GABPB2: variants seen among roughly 807,000 people sequenced by gnomAD.
The protein encoded by GABPB2 is GA binding protein transcription factor subunit beta 2.
In GABPB2, 23 loss-of-function variants were observed where a neutral mutation model predicts 39.1. That is an observed-to-expected ratio of 0.59 (90% CI 0.42 to 0.83). GABPB2 has a LOEUF of 0.83. Ranked by LOEUF, GABPB2 falls within the 40% of genes least tolerant of loss-of-function variation. GABPB2 has a pLI of 0.00. For missense variants in GABPB2, 467 were observed against 541.1 expected, an observed-to-expected ratio of 0.86 and a Z score of 1.36; for synonymous variants, 184 against 199.3, an observed-to-expected ratio of 0.92 and a Z score of 0.65.
chr1:151,099,527 T>C (rs587736185), intron 5 of GABPB2, among the ~76,000 whole-genome samples: 1 of 152,346 alleles, frequency 6.6e-6, no homozygotes, highest in East Asian at 1.9e-4. Context: ...ATAAATATTT[T>C]TTTTACAATG....
intron 7 of GABPB2, among the ~76,000 whole-genome samples, chr1:151,109,010 G>A (rs587761800): frequency 1.3e-4 from 19 of 151,830 alleles, no homozygotes; most frequent in African/African-American, 4.4e-4. Flanking sequence ...AACATAGCAA[G>A]ACCCCCTCAT....
At chr1:151,112,910 A>G (rs1680571435) in intron 7 of GABPB2, among the ~76,000 whole-genome samples, 1 of 150,204 alleles carries the variant, frequency 6.7e-6, no homozygotes. Flanking sequence ...AGCTGGGACT[A>G]CAGGTGTGCA....
At chr1:151,110,170 T>C (rs1283932339) in intron 7 of GABPB2, among the ~76,000 whole-genome samples, 2 of 151,744 alleles carry the variant, frequency 1.3e-5, no homozygotes, top group African/African-American at 2.4e-5. Context: ...TCTTTTTTTA[T>C]TTTTTGTACA....
Position 151,097,917 on chromosome 1 carries a change from T to C in GABPB2, c.537T>C (p.Ser179=). 13 of 1,614,018 alleles carry C rather than the reference T, an allele frequency of 8.1e-6. No individual in the cohort carries two copies. Among genetic ancestry groups the C allele is most frequent in the Non-Finnish European group, 1.1e-5 (13 of 1,179,914 alleles). The change falls in exon 5 of 9, where the codon AGT becomes AGC. Residue 179 remains serine (S), a synonymous_variant. Transcript: ENST00000368918. ...ERANPVTDPV[S]MAAPFIFTSG... ...CCAACCCTGTGACTGACCCTGTGAG[T>C]ATGGCTGCTCCATTCATCTTCACGT...
chr1:151,098,870 A>G (rs1679306251), intron 5 of GABPB2, among the ~76,000 whole-genome samples: 1 of 152,058 alleles, frequency 6.6e-6, no homozygotes, highest in African/African-American at 2.4e-5. Flanking sequence ...GATCACCTGA[A>G]GTCAGAAGTT....
chr1:151,103,766 A>AT (rs1251292409), intron 6 of GABPB2, 91 bp downstream of exon 6: 2 of 847,280 alleles, frequency 2.4e-6, no homozygotes, highest in African/African-American at 3.4e-5. Flanking sequence ...ATATTATTAA[A>AT]GAATTGCATT....
chr1:151,108,181 T>A (rs750917493), intron 7 of GABPB2, among the ~76,000 whole-genome samples: 14 of 152,050 alleles, frequency 9.2e-5, no homozygotes, highest in Non-Finnish European at 2.1e-4. Flanking sequence ...TGTTTGCTTG[T>A]TTGTTTGAGA....
intron 5 of GABPB2, among the ~76,000 whole-genome samples, chr1:151,100,567 C>CTTACAATTGGGATT (rs1485056566): frequency 6.8e-6 from 1 of 146,334 alleles, no homozygotes; most frequent in Non-Finnish European, 1.5e-5. Flanking sequence ...AAGTGTGAGC[C>CTTACAATTGGGATT]ACTGTGCCTG....
At chr1:151,111,197 T>C (rs1166087474) in intron 7 of GABPB2, among the ~76,000 whole-genome samples, 2 of 151,914 alleles carry the variant, frequency 1.3e-5, no homozygotes, top group East Asian at 3.9e-4. Flanking sequence ...GCAGTCTTGA[T>C]ATTCAGGACC....
intron 1 of GABPB2, among the ~76,000 whole-genome samples, chr1:151,076,602 G>A (rs1026559089): frequency 2.7e-5 from 4 of 150,892 alleles, no homozygotes; most frequent in Admixed American, 2.0e-4. Flanking sequence ...GCTAATTTTT[G>A]TATTTTTAGT....
At chr1:151,089,246 CAAAAAGAAAGAAAAGGAAACCCATG>C (rs1678466316) in intron 2 of GABPB2, among the ~76,000 whole-genome samples, 1 of 151,812 alleles carries the variant, frequency 6.6e-6, no homozygotes, top group African/African-American at 2.4e-5. Context: ...TAGCATTTCA[CAAAAAGAAAGAAAAGGAAACCCATG>C]AAATTAGCAT....
At chr1:151,084,505 C>T (rs1282551822) in intron 1 of GABPB2, among the ~76,000 whole-genome samples, 54 of 147,214 alleles carry the variant, frequency 3.7e-4, no homozygotes, top group Non-Finnish European at 6.7e-4. Flanking sequence ...GGATTACAGT[C>T]ATGAGCCACC....
At chr1:151,098,677 T>C (rs587637896) in intron 5 of GABPB2, among the ~76,000 whole-genome samples, 59 of 152,206 alleles carry the variant, frequency 3.9e-4, no homozygotes, top group African/African-American at 9.9e-4. Flanking sequence ...AGTACTGATA[T>C]AAAAGAGGTA....
chr1:151,084,200 C>G (rs1177250566), intron 1 of GABPB2, among the ~76,000 whole-genome samples: 2 of 151,726 alleles, frequency 1.3e-5, no homozygotes, highest in African/African-American at 2.4e-5. Context: ...GCGTGAGCCA[C>G]TGTGCCCAGC....
chr1:151,102,830 T>G (rs1255465409), intron 5 of GABPB2, among the ~76,000 whole-genome samples: 1 of 152,132 alleles, frequency 6.6e-6, no homozygotes, highest in Non-Finnish European at 1.5e-5. Flanking sequence ...GTAGTATGAT[T>G]GGGTAAAGCC....
intron 1 of GABPB2, among the ~76,000 whole-genome samples, chr1:151,074,913 G>A (rs910977446): frequency 6.6e-6 from 1 of 152,144 alleles, no homozygotes; most frequent in Non-Finnish European, 1.5e-5. Context: ...GGCCGAGGTG[G>A]GTGGATCACT....
chr1:151,101,492 T>C (rs1381806496), intron 5 of GABPB2, among the ~76,000 whole-genome samples: 1 of 151,502 alleles, frequency 6.6e-6, no homozygotes, highest in African/African-American at 2.4e-5. Context: ...GAGAATGGCG[T>C]GAACCTGGGA....
chr1:151,077,920 C>G (rs922119917), intron 1 of GABPB2, among the ~76,000 whole-genome samples: 1 of 151,742 alleles, frequency 6.6e-6, no homozygotes, highest in Non-Finnish European at 1.5e-5. Flanking sequence ...CCATTGCACT[C>G]CAGCCTGGGC....
In GABPB2 at chr1:151,093,365, T is replaced by G. The variant is rs758048163; in HGVS notation, c.450T>G (p.Ala150=). 6.2e-7 allele frequency: 1 copy of G among 1,601,426 alleles called. No individual in the cohort carries two copies. Among genetic ancestry groups the G allele is most frequent in the South Asian group, 1.1e-5 (1 of 88,928 alleles). The part of the protein sequence containing the change: ...AFDIALEKNN[A]EILVILQEAM... ...ACATAGCTCTGGAGAAAAACAATGCTGAGATTTTGGTCATCCTCCAGGTGT... is the reference window on the plus strand; with the variant it reads ...ACATAGCTCTGGAGAAAAACAATGCGGAGATTTTGGTCATCCTCCAGGTGT... Residue 150 remains alanine (A), a synonymous_variant, in exon 4 of 9, where the codon GCT becomes GCG. Transcript: ENST00000368918.
Sources: allele counts gnomAD v4.1 joint callset (sites outside exome capture counted in the v4.1 genomes callset), GRCh38; gene constraint gnomAD v4.1.1; transcripts MANE v1.5; gene names NCBI Gene and HGNC (gene_info 2026-07-23, HGNC 2026-07-21).